The following SLC39A11 variants were observed in gnomAD, a reference collection of about 807,000 sequenced individuals.
SLC39A11 encodes solute carrier family 39 member 11.
A neutral mutation model predicts 36.1 loss-of-function variants in SLC39A11; 33 were observed. The ratio of observed to expected loss-of-function variants is 0.91; its 90% CI spans 0.69 to 1.22. The LOEUF (loss-of-function observed/expected upper bound fraction) is 1.22, where lower values mean the gene tolerates loss of function less well. Ranked by LOEUF, SLC39A11 falls within the 50% of genes most tolerant of loss-of-function variation. SLC39A11 has a pLI of 0.00. For synonymous variants in SLC39A11, 166 were observed against 170.3 expected (o/e 0.97, Z 0.20); for missense variants, 432 against 430.3 (o/e 1.00, Z -0.03).
At chr17:72,726,707 T>C (rs1331026856) in intron 7 of SLC39A11, among the ~76,000 whole-genome samples, 1 of 152,244 alleles carries the variant, frequency 6.6e-6, no homozygotes, top group Middle Eastern at 3.2e-3. Context: ...TGTTAACTAA[T>C]GGCTGCTGTC....
intron 7 of SLC39A11, among the ~76,000 whole-genome samples, chr17:72,733,683 T>G (rs1262058829): frequency 2.0e-5 from 3 of 152,188 alleles, no homozygotes. Context: ...GCCTGTTCAC[T>G]TTCTACTTTC....
intron 7 of SLC39A11, among the ~76,000 whole-genome samples, chr17:72,675,640 G>A (rs993344659): frequency 2.6e-5 from 4 of 152,152 alleles, no homozygotes; most frequent in Admixed American, 6.5e-5. Context: ...GTCTCTAGTC[G>A]TTGCTCTGTG....
intron 6 of SLC39A11, among the ~76,000 whole-genome samples, chr17:72,812,406 T>A (rs564174448): frequency 1.3e-5 from 2 of 152,256 alleles, no homozygotes; most frequent in East Asian, 3.9e-4. Flanking sequence ...GAATCTAGAG[T>A]CTAGGGTTGG....
At chr17:72,925,117 G>A (rs1162169295) in intron 5 of SLC39A11, among the ~76,000 whole-genome samples, 2 of 151,950 alleles carry the variant, frequency 1.3e-5, no homozygotes, top group Non-Finnish European at 2.9e-5. Context: ...GGAATTTCAG[G>A]ATGGCCATGT....
At chr17:73,052,822 T>A (rs1471870293) in intron 3 of SLC39A11, among the ~76,000 whole-genome samples, 1 of 152,108 alleles carries the variant, frequency 6.6e-6, no homozygotes, top group Non-Finnish European at 1.5e-5. Flanking sequence ...TGCCTCTGCC[T>A]CCCGAGTAGC....
chr17:72,803,452 G>A (rs1032364475), intron 6 of SLC39A11, among the ~76,000 whole-genome samples: 1 of 152,248 alleles, frequency 6.6e-6, no homozygotes, highest in Admixed American at 6.5e-5. Context: ...AGGTACAAAG[G>A]ACCTGCCTGA....
chr17:72,667,310 A>G (rs2070798291), intron 7 of SLC39A11, among the ~76,000 whole-genome samples: 1 of 152,156 alleles, frequency 6.6e-6, no homozygotes, highest in Non-Finnish European at 1.5e-5. Context: ...CTGAAGCCTA[A>G]CCATATGGAA....
In SLC39A11 at chr17:73,026,195, AGAAGG is replaced by A. The variant is rs1440287502; in HGVS notation, c.306+5356_306+5360del. Among the ~76,000 whole-genome samples, 446 of 147,920 alleles carry A rather than the reference AGAAGG, an allele frequency of 3.0e-3. 27 individuals carry two copies. The highest frequency in any genetic ancestry group is 3.7e-3 in the Non-Finnish European group (246 of 66,924). On this transcript the variant is annotated intron_variant, in intron 4 of 9. Coordinates refer to ENST00000255559, the MANE Select transcript of SLC39A11 (RefSeq NM_139177.4). ...GGAGAGGAGAAAGAGAAGAGAGAAG[AGAAGG>A]GAAGAGAAGAGAAGAGAAGAGAAGA...
intron 6 of SLC39A11, among the ~76,000 whole-genome samples, chr17:72,773,262 C>T (rs2076012061): frequency 1.3e-5 from 2 of 152,058 alleles, no homozygotes; most frequent in African/African-American, 4.8e-5. Context: ...CTTCTATAGA[C>T]AGGGGTGACA....
At chr17:72,945,318 C>G (rs910634887) in intron 5 of SLC39A11, among the ~76,000 whole-genome samples, 1 of 152,102 alleles carries the variant, frequency 6.6e-6, no homozygotes, top group African/African-American at 2.4e-5. Flanking sequence ...CTGGTCGAAC[C>G]AATTATGGGA....
At chr17:72,801,112 A>G (rs1285473877) in intron 6 of SLC39A11, among the ~76,000 whole-genome samples, 3 of 152,238 alleles carry the variant, frequency 2.0e-5, no homozygotes, top group Non-Finnish European at 4.4e-5. Context: ...AGGCAGATCT[A>G]GAGAAACAGA....
intron 6 of SLC39A11, among the ~76,000 whole-genome samples, chr17:72,789,344 A>G (rs1043841809): frequency 2.0e-5 from 3 of 152,196 alleles, no homozygotes; most frequent in Non-Finnish European, 4.4e-5. Context: ...CAATCTCGAT[A>G]TATTTGTTAA....
intron 7 of SLC39A11, among the ~76,000 whole-genome samples, chr17:72,666,916 G>A (rs2070779923): frequency 6.6e-6 from 1 of 152,188 alleles, no homozygotes; most frequent in Non-Finnish European, 1.5e-5. Context: ...GGTTTCAGGG[G>A]CATTGAATTT....
At chr17:72,785,589 C>A (rs2076484560) in intron 6 of SLC39A11, among the ~76,000 whole-genome samples, 1 of 152,076 alleles carries the variant, frequency 6.6e-6, no homozygotes, top group Admixed American at 6.6e-5. Context: ...CACCAGATGC[C>A]CTCAAAGCTT....
intron 6 of SLC39A11, among the ~76,000 whole-genome samples, chr17:72,738,523 A>C (rs2074532584): frequency 6.6e-6 from 1 of 152,136 alleles, no homozygotes; most frequent in Non-Finnish European, 1.5e-5. Context: ...TGGGAGGATG[A>C]TGCTGGTCTG....
At chr17:72,666,647 C>T (rs2070768421) in intron 7 of SLC39A11, among the ~76,000 whole-genome samples, 1 of 152,186 alleles carries the variant, frequency 6.6e-6, no homozygotes, top group African/African-American at 2.4e-5. Flanking sequence ...AAGTTCAAAG[C>T]TGAACACCAA....
intron 3 of SLC39A11, among the ~76,000 whole-genome samples, chr17:73,062,930 G>C (rs1263047656): frequency 6.6e-6 from 1 of 152,120 alleles, no homozygotes; most frequent in Non-Finnish European, 1.5e-5. Context: ...GAGCAATGGA[G>C]AGTGGCTGCA....
At chr17:73,004,223 GAAA>G (rs2090043036) in intron 4 of SLC39A11, among the ~76,000 whole-genome samples, 9 of 78,938 alleles carry the variant, frequency 1.1e-4, no homozygotes, top group African/African-American at 3.7e-4. Context: ...AAGAAAGAAA[GAAA>G]GAAAGAAAAG....
At chr17:73,090,761 T>A (rs895305281) in intron 1 of SLC39A11, among the ~76,000 whole-genome samples, 2 of 152,136 alleles carry the variant, frequency 1.3e-5, no homozygotes, top group African/African-American at 4.8e-5. Context: ...TCGTGGGTGT[T>A]CCTGGTGGTT....
Sources: gnomAD v4.1 joint callset for allele counts (sites outside exome capture counted in the v4.1 genomes callset) on GRCh38, gnomAD v4.1.1 for gene constraint, MANE v1.5 for transcripts, NCBI Gene and HGNC (gene_info 2026-07-23, HGNC 2026-07-21) for gene names.